Variants in SIRPB1 observed in about 807,000 individuals in gnomAD.
The protein encoded by SIRPB1 is signal-regulatory protein beta-1.
A neutral mutation model predicts 34.1 loss-of-function variants in SIRPB1; 28 were observed. The observed-to-expected ratio is 0.82, with a 90% CI of 0.61 to 1.12. The LOEUF is 1.12. Ranked by LOEUF, SIRPB1 falls within the 50% of genes most tolerant of loss-of-function variation. The pLI, the probability that SIRPB1 is intolerant of heterozygous loss-of-function variation, is 0.00. For missense variants in SIRPB1, 499 were observed against 507.0 expected (o/e 0.98, Z 0.15); for synonymous variants, 211 against 203.8 (o/e 1.04, Z -0.30).
Position 1,612,869 on chromosome 20 carries a change from T to G in SIRPB1, c.76+7000A>C. ...ACGTCAAATACACAAAGATAGAGAA[T>G]AAAACAGTGGTGACTAGGGGTGAAC... On this transcript the variant is annotated intron_variant, in intron 1 of 5. Transcript: ENST00000381605. Among the ~76,000 whole-genome samples, 2 of 71,530 alleles carry G rather than the reference T, an allele frequency of 2.8e-5. 1 individual carries two copies. Among genetic ancestry groups the G allele is most frequent in the Non-Finnish European group, 5.2e-5 (2 of 38,302 alleles). The allele number at this position is 71,530 out of a possible 152,430, so 46.9% of individuals were successfully genotyped here. A position where few individuals can be genotyped will look rare whatever the true frequency, so the allele number is the denominator to read the frequency against.
intron 1 of SIRPB1, among the ~76,000 whole-genome samples, chr20:1,616,250 A>G (rs1377365741): frequency 6.6e-6 from 1 of 152,240 alleles, no homozygotes; most frequent in Non-Finnish European, 1.5e-5. Flanking sequence ...GAAAATTGTG[A>G]GTAGAAAAGG....
In SIRPB1 at chr20:1,584,657, T is replaced by C. The variant is rs537049722; in HGVS notation, c.77-5963A>G. On this transcript the variant is annotated intron_variant, in intron 1 of 5. Coordinates refer to ENST00000381605, the MANE Select transcript of SIRPB1 (RefSeq NM_006065.5). ...ATACCTATGTTTGTGGATTGGAGAA[T>C]TACTATTGTAAAATGTACATACTAC... 2.6e-4 allele frequency among the ~76,000 whole-genome samples: 13 copies of C among 49,122 alleles called. 6 individuals carry two copies. The South Asian group carries it at 9.2e-3, about 35-fold the overall frequency. The allele number at this position is 49,122 out of a possible 152,430, so 32.2% of individuals were successfully genotyped here. A position where few individuals can be genotyped will look rare whatever the true frequency, so the allele number is the denominator to read the frequency against.
chr20:1,570,833 CT>C lies in SIRPB1; in HGVS notation c.1055del (p.Gln352ArgfsTer22). 15 of 1,614,056 alleles carry C rather than the reference CT, an allele frequency of 9.3e-6. No homozygotes were observed. Among genetic ancestry groups the C allele is most frequent in the Non-Finnish European group, 1.2e-5 (14 of 1,179,966 alleles). ...KSYALEISAHQKEHGSDITHE... is the reference protein window; with the variant it reads ...KSYALEISAHXKEHGSDITHE... ...GGGTGATATCTGAGCCGTGCTCCTT[CT>C]GGTGCGCTGAGATCTCCAGGGCATA... On this transcript the variant is annotated frameshift_variant, in exon 4 of 6. Coordinates refer to ENST00000381605, the MANE Select transcript of SIRPB1 (RefSeq NM_006065.5). LOFTEE classifies it high-confidence loss of function.
chr20:1,578,089 C>T (rs1231926317), intron 2 of SIRPB1: 1 of 529,704 alleles, frequency 1.9e-6, no homozygotes, highest in East Asian at 2.9e-5. Context: ...GCTTTGGAAA[C>T]ACAAGAGCTG....
intron 1 of SIRPB1, among the ~76,000 whole-genome samples, chr20:1,617,823 T>C (rs2091651992): frequency 6.6e-6 from 1 of 152,160 alleles, no homozygotes; most frequent in Non-Finnish European, 1.5e-5. Flanking sequence ...AAAAATAAAA[T>C]ATTTTGTTAA....
chr20:1,617,105 T>A (rs1321879387), intron 1 of SIRPB1, among the ~76,000 whole-genome samples: 1 of 152,196 alleles, frequency 6.6e-6, no homozygotes, highest in African/African-American at 2.4e-5. Context: ...TGTAAATTAG[T>A]AGAGCCATTA....
At position 1,599,970 on chromosome 20, in the gene SIRPB1, A is replaced by G. The variant is rs80103443; in HGVS notation, c.76+19899T>C. ...TTTGTATCAGACCTCGCGCTCCTTG[A>G]TTGGATTCTACATGCAGCAAGCAAC... On this transcript the variant is annotated intron_variant, in intron 1 of 5. Transcript: ENST00000381605. 7.6e-4 allele frequency among the ~76,000 whole-genome samples: 38 copies of G among 50,156 alleles called. 17 individuals carry two copies. The East Asian group carries it at 0.014, about 18-fold the overall frequency. The allele number at this position is 50,156 out of a possible 152,430, so 32.9% of individuals were successfully genotyped here.
At chr20:1,572,127 G>A (rs1015067059) in intron 2 of SIRPB1, 90 bp from the exon 3 acceptor site, 28 of 1,582,416 alleles carry the variant, frequency 1.8e-5, no homozygotes, top group Non-Finnish European at 2.3e-5. Context: ...CTTCTGAGAC[G>A]TTAGTTTTTA....
chr20:1,601,378 T>C lies in SIRPB1; in HGVS notation c.76+18491A>G, dbSNP rs2091475468. Reference sequence around the variant, plus strand: ...GGACAGTTGCAGCAGCATAACTAATTATCTCTATAACTAACCTCCCCAAAC... The same window carrying C: ...GGACAGTTGCAGCAGCATAACTAATCATCTCTATAACTAACCTCCCCAAAC... On this transcript the variant is annotated intron_variant, in intron 1 of 5. Coordinates refer to ENST00000381605, the MANE Select transcript of SIRPB1 (RefSeq NM_006065.5). Among the ~76,000 whole-genome samples, 2 of 48,558 alleles carry C rather than the reference T, an allele frequency of 4.1e-5. 1 individual carries two copies. Among genetic ancestry groups the C allele is most frequent in the Non-Finnish European group, 7.9e-5 (2 of 25,166 alleles). 31.9% of individuals were successfully genotyped at this position (48,558 alleles called of 152,430 possible). A position where few individuals can be genotyped will look rare whatever the true frequency, so the allele number is the denominator to read the frequency against.
chr20:1,588,496 G>T lies in SIRPB1; in HGVS notation c.77-9802C>A. 2 of 506,988 alleles carry T rather than the reference G, an allele frequency of 3.9e-6. 1 individual carries two copies. Among genetic ancestry groups the T allele is most frequent in the African/African-American group, 1.7e-4 (2 of 11,966 alleles). The allele number at this position is 506,988 out of a possible 1,614,324, so 31.4% of individuals were successfully genotyped here. On this transcript the variant is annotated intron_variant, in intron 1 of 5. Transcript: ENST00000381605. ...TTGTGGTTGTCTGGAATCCCCAAAG[G>T]TCCAGGGACAGGATATAGCCCTGCC...
rs1400006028 is a variant in SIRPB1, at chr20:1,593,660, A to C, written c.77-14966T>G. Among the ~76,000 whole-genome samples the C allele has an allele frequency of 4.1e-5, 2 of 48,836 alleles. 1 individual carries two copies. The highest frequency in any genetic ancestry group is 1.1e-3 in the East Asian group (2 of 1,754). The allele number at this position is 48,836 out of a possible 152,430, so 32.0% of individuals were successfully genotyped here. A position where few individuals can be genotyped will look rare whatever the true frequency, so the allele number is the denominator to read the frequency against. ...TTCAAGATGTTTTGCTGATTTTAAT[A>C]GGTGTCTTTATTGGAGTGATAACTT... On this transcript the variant is annotated intron_variant, in intron 1 of 5. Coordinates refer to ENST00000381605, the MANE Select transcript of SIRPB1 (RefSeq NM_006065.5).
Position 1,619,853 on chromosome 20 carries a change from C to G in SIRPB1, c.76+16G>C. On this transcript the variant is annotated intron_variant, in intron 1 of 5. Coordinates refer to ENST00000381605, the MANE Select transcript of SIRPB1 (RefSeq NM_006065.5). ...AGTGGGCAGGAAAAAAGATTTTAACCGAAGGCAGTGCTCACCTGTGAGTCT... is the reference window on the plus strand; with the variant it reads ...AGTGGGCAGGAAAAAAGATTTTAACGGAAGGCAGTGCTCACCTGTGAGTCT... 1 of 1,586,858 alleles carries G rather than the reference C, an allele frequency of 6.3e-7. No individual in the cohort carries two copies. Among genetic ancestry groups the G allele is most frequent in the Non-Finnish European group, 8.6e-7 (1 of 1,157,068 alleles).
At chr20:1,619,615 T>G (rs970976009) in intron 1 of SIRPB1, among the ~76,000 whole-genome samples, 14 of 152,356 alleles carry the variant, frequency 9.2e-5, no homozygotes, top group African/African-American at 3.1e-4. Context: ...TCTCTGCTTT[T>G]TCAATTGAAA....
chr20:1,611,402 G>GT, intron 1 of SIRPB1: 1 of 719,994 alleles, frequency 1.4e-6, no homozygotes, highest in East Asian at 1.2e-4. Flanking sequence ...AACTCCACGT[G>GT]GTCGGGGCTC....
At position 1,588,525 on chromosome 20, in the gene SIRPB1, G is replaced by A; in HGVS notation, c.77-9831C>T. The A allele has an allele frequency of 1.4e-5, 8 of 568,010 alleles. 3 individuals carry two copies. The highest frequency in any genetic ancestry group is 1.9e-5 in the Non-Finnish European group (8 of 432,100). 35.2% of individuals were successfully genotyped at this position (568,010 alleles called of 1,614,324 possible). On this transcript the variant is annotated intron_variant, in intron 1 of 5. Coordinates refer to ENST00000381605, the MANE Select transcript of SIRPB1 (RefSeq NM_006065.5). ...AGGGACAGGATATAGCCCTGCCAGC[G>A]GAGAGAAAGGGTTCTAGCCCAAGGC...
chr20:1,571,284 G>A (rs533851329), intron 3 of SIRPB1, 147 bp from the exon 4 acceptor site: 19 of 853,162 alleles, frequency 2.2e-5, no homozygotes, highest in South Asian at 1.4e-4. Flanking sequence ...GAGGGCACTC[G>A]TTGCATATGA....
Position 1,572,003 on chromosome 20 carries a change from C to A in SIRPB1, c.468G>T (p.Ala156=). The A allele has an allele frequency of 6.2e-7, 1 of 1,614,006 alleles. No homozygotes were observed. Among genetic ancestry groups the A allele is most frequent in the South Asian group, 1.1e-5 (1 of 91,080 alleles). The change falls in exon 3 of 6, where the codon GCG becomes GCT. Residue 156 remains alanine (A), a synonymous_variant. Transcript: ENST00000381605. ...CTGTGTGCTCAGGTGTGGCCCTCACCGCAGGGCCCGATACCACGGGGGCAG... is the reference window on the plus strand; with the variant it reads ...CTGTGTGCTCAGGTGTGGCCCTCACAGCAGGGCCCGATACCACGGGGGCAG... The part of the protein sequence containing the change: ...KPSAPVVSGP[A]VRATPEHTVS...
intron 4 of SIRPB1, among the ~76,000 whole-genome samples, chr20:1,566,851 G>T (rs988357944): frequency 6.6e-6 from 1 of 152,108 alleles, no homozygotes; most frequent in Non-Finnish European, 1.5e-5. Context: ...ATCTCAGGGA[G>T]CCCTCCAGGG....
Position 1,619,923 on chromosome 20 carries a change from G to A in SIRPB1, c.22C>T (p.Pro8Ser). The A allele has an allele frequency of 6.2e-7, 1 of 1,613,924 alleles. No homozygotes were observed. The highest frequency in any genetic ancestry group is 8.5e-7 in the Non-Finnish European group (1 of 1,179,854). The change falls in exon 1 of 6, where the codon CCC becomes TCC. Residue 8 changes from proline to serine, a missense_variant. Coordinates refer to ENST00000381605, the MANE Select transcript of SIRPB1 (RefSeq NM_006065.5). ...AGCAGGAAAGGACTAGGAAGGTGGG[G>A]CCAGGAGGCTGGCACGGGCATTCTG... MPVPASW[P>S]HLPSPFLLMT...
Sources: allele counts gnomAD v4.1 joint callset (sites outside exome capture counted in the v4.1 genomes callset), GRCh38; gene constraint gnomAD v4.1.1; transcripts MANE v1.5; gene names NCBI Gene and HGNC (gene_info 2026-07-23, HGNC 2026-07-21).